SYNJ1: variants seen among roughly 807,000 people sequenced by gnomAD.
SYNJ1 encodes the protein synaptojanin 1.
In SYNJ1, 78 loss-of-function variants were observed where a neutral mutation model predicts 168.2. The observed-to-expected ratio is 0.46, with a 90% CI of 0.39 to 0.56. The LOEUF is 0.56. Ranked by LOEUF, SYNJ1 falls within the 20% of genes least tolerant of loss-of-function variation. The pLI is 0.00. For missense variants in SYNJ1, 1,303 were observed against 1,597.6 expected, an observed-to-expected ratio of 0.82 and a Z score of 3.14; for synonymous variants, 539 against 548.6, an observed-to-expected ratio of 0.98 and a Z score of 0.24.
At chr21:32,648,441 T>G (rs2040152429) in intron 23 of SYNJ1, among the ~76,000 whole-genome samples, 1 of 152,162 alleles carries the variant, frequency 6.6e-6, no homozygotes, top group Non-Finnish European at 1.5e-5. Flanking sequence ...GAAGGACACA[T>G]TTCTGTCCTC....
chr21:32,706,741 C>T (rs2146268501), intron 2 of SYNJ1, among the ~76,000 whole-genome samples: 1 of 152,008 alleles, frequency 6.6e-6, no homozygotes, highest in East Asian at 1.9e-4. Flanking sequence ...AAAAAGATTT[C>T]CTTATTTTAT....
At chr21:32,719,675 T>C (rs2043148881) in intron 2 of SYNJ1, among the ~76,000 whole-genome samples, 1 of 150,538 alleles carries the variant, frequency 6.6e-6, no homozygotes, top group Non-Finnish European at 1.5e-5. Context: ...ACCGTGCCAT[T>C]GCACTCCAAC....
At position 32,721,934 on chromosome 21, in the gene SYNJ1, C is replaced by T. The variant is rs940370959; in HGVS notation, c.124+4838G>A. Among the ~76,000 whole-genome samples the T allele has an allele frequency of 1.2e-3, 179 of 151,978 alleles. 1 individual carries two copies. Among genetic ancestry groups the T allele is most frequent in the Non-Finnish European group, 1.1e-3 (75 of 67,946 alleles). Reference sequence around the variant, plus strand: ...GGTGCAGTGACTTATGCCTGTAATCCCAGCACTTTGGGAGGCCAAGGCGGG... The same window carrying T: ...GGTGCAGTGACTTATGCCTGTAATCTCAGCACTTTGGGAGGCCAAGGCGGG... On this transcript the variant is annotated intron_variant, in intron 2 of 32. Transcript: ENST00000674351.
In SYNJ1 at chr21:32,631,259, T is replaced by A. The variant is rs1427278913; in HGVS notation, c.*546A>T. The A allele has an allele frequency of 1.2e-6, 2 of 1,614,236 alleles. No individual in the cohort carries two copies. The highest frequency in any genetic ancestry group is 1.7e-6 in the Non-Finnish European group (2 of 1,180,044). ...TCCCTTTCACACCAAAATCCTCTTC[T>A]TCCTCGAAGGTTACCCATCCTTTCG... On this transcript the variant is annotated 3_prime_UTR_variant, in exon 33 of 33. Transcript: ENST00000674351.
intron 4 of SYNJ1, among the ~76,000 whole-genome samples, chr21:32,699,125 C>T (rs555774306): frequency 6.6e-6 from 1 of 152,166 alleles, no homozygotes; most frequent in Non-Finnish European, 1.5e-5. Flanking sequence ...ATGTCTATCC[C>T]TTGTTATCTC....
At chr21:32,686,478 A>AT (rs1482570406) in intron 8 of SYNJ1, among the ~76,000 whole-genome samples, 1 of 152,124 alleles carries the variant, frequency 6.6e-6, no homozygotes, top group Non-Finnish European at 1.5e-5. Context: ...TCATTAAAAT[A>AT]TTTTTTCTTT....
At chr21:32,667,621 G>A (rs2040991911) in intron 15 of SYNJ1, among the ~76,000 whole-genome samples, 1 of 152,028 alleles carries the variant, frequency 6.6e-6, no homozygotes, top group Admixed American at 6.6e-5. Flanking sequence ...ACCCAGGGCT[G>A]GAGTGCTGTG....
At chr21:32,724,046 G>A (rs1783889255) in intron 2 of SYNJ1, among the ~76,000 whole-genome samples, 1 of 152,096 alleles carries the variant, frequency 6.6e-6, no homozygotes, top group South Asian at 2.1e-4. Context: ...GCAACAGTAT[G>A]ATGAAGCTGA....
chr21:32,646,621 G>C lies in SYNJ1; in HGVS notation c.3038-19C>G, dbSNP rs755063543. ...ACATCACCTAAGGAAAAGCAGGCTTGATCAGAGATAACTCCATTTTAACTT... is the reference window on the plus strand; with the variant it reads ...ACATCACCTAAGGAAAAGCAGGCTTCATCAGAGATAACTCCATTTTAACTT... On this transcript the variant is annotated intron_variant, in intron 23 of 32. Coordinates refer to ENST00000674351, the MANE Select transcript of SYNJ1 (RefSeq NM_203446.3). 15 of 1,594,994 alleles carry C rather than the reference G, an allele frequency of 9.4e-6. No individual in the cohort carries two copies. The highest frequency in any genetic ancestry group is 1.7e-5 in the Admixed American group (1 of 59,928).
intron 2 of SYNJ1, among the ~76,000 whole-genome samples, chr21:32,715,184 A>G (rs1315163454): frequency 6.6e-6 from 1 of 152,186 alleles, no homozygotes; most frequent in Non-Finnish European, 1.5e-5. Context: ...AAATAAAAAC[A>G]AAAAGAGGCC....
At chr21:32,671,541 G>A (rs530802714) in intron 14 of SYNJ1, among the ~76,000 whole-genome samples, 2 of 152,290 alleles carry the variant, frequency 1.3e-5, no homozygotes, top group East Asian at 1.9e-4. Context: ...AACTGCCTGA[G>A]TTCAAATCCT....
At chr21:32,695,796 G>C (rs753508634) in intron 4 of SYNJ1, among the ~76,000 whole-genome samples, 1 of 151,060 alleles carries the variant, frequency 6.6e-6, no homozygotes, top group Non-Finnish European at 1.5e-5. Flanking sequence ...CCACGTAGCT[G>C]GGATTACAGG....
At chr21:32,704,469 G>A (rs1200505259) in intron 2 of SYNJ1, among the ~76,000 whole-genome samples, 2 of 152,190 alleles carry the variant, frequency 1.3e-5, no homozygotes, top group African/African-American at 2.4e-5. Flanking sequence ...TAGACTGGAG[G>A]GAGGCCCAGT....
intron 2 of SYNJ1, 37 bp downstream of exon 2, chr21:32,726,735 G>C: frequency 6.2e-7 from 1 of 1,609,486 alleles, no homozygotes; most frequent in Non-Finnish European, 8.5e-7. Context: ...AATCAAAACA[G>C]AGACCATGAC....
At chr21:32,711,054 TAACTC>T (rs1015301347) in intron 2 of SYNJ1, among the ~76,000 whole-genome samples, 2 of 152,226 alleles carry the variant, frequency 1.3e-5, no homozygotes, top group African/African-American at 4.8e-5. Context: ...TTAATTCAGA[TAACTC>T]AACTCCTTCC....
In SYNJ1 at chr21:32,650,711, G is replaced by A. The variant is rs1426897095; in HGVS notation, c.2875-365C>T. Among the ~76,000 whole-genome samples, 4 of 152,104 alleles carry A rather than the reference G, an allele frequency of 2.6e-5. No homozygotes were observed. The East Asian group carries it at 5.8e-4, about 22-fold the overall frequency. On this transcript the variant is annotated intron_variant, in intron 22 of 32. Coordinates refer to ENST00000674351, the MANE Select transcript of SYNJ1 (RefSeq NM_203446.3). ...TCACAGATTAAGTAATTGTTCCCAC[G>A]TGAAACAACTACAAAAGAGACAGCA... is the stretch of plus-strand genomic sequence containing the variant.
At chr21:32,701,874 A>G in intron 3 of SYNJ1, 87 bp downstream of exon 3, 1 of 955,024 alleles carries the variant, frequency 1.0e-6, no homozygotes, top group East Asian at 2.5e-5. Flanking sequence ...GGAGTCTACA[A>G]TAATTCATAG....
At chr21:32,692,043 G>T (rs1601438836) in intron 6 of SYNJ1, among the ~76,000 whole-genome samples, 1 of 152,180 alleles carries the variant, frequency 6.6e-6, no homozygotes, top group Non-Finnish European at 1.5e-5. Context: ...AGGAAGCAGG[G>T]CCTAGAGGGA....
At chr21:32,662,228 G>T (rs567619191) in intron 18 of SYNJ1, among the ~76,000 whole-genome samples, 2 of 152,240 alleles carry the variant, frequency 1.3e-5, no homozygotes, top group South Asian at 2.1e-4. Flanking sequence ...CACGGCCGAG[G>T]CATGAGGAGA....
Sources: allele counts gnomAD v4.1 joint callset (sites outside exome capture counted in the v4.1 genomes callset), GRCh38; gene constraint gnomAD v4.1.1; transcripts MANE v1.5; gene names NCBI Gene and HGNC (gene_info 2026-07-23, HGNC 2026-07-21).